BTRC: variants seen among roughly 807,000 people sequenced by gnomAD.
The protein encoded by BTRC is beta-transducin repeat containing E3 ubiquitin protein ligase, also known as F-box/WD repeat-containing protein 1A.
In BTRC, 42 loss-of-function variants were observed where a neutral mutation model predicts 85.5. The ratio of observed to expected loss-of-function variants is 0.49; its 90% CI spans 0.38 to 0.64. BTRC has a LOEUF of 0.64. Among genes scored for constraint, BTRC ranks in the 30% least tolerant of loss-of-function variants. BTRC has a pLI of 0.00. For synonymous variants in BTRC, 255 were observed against 263.3 expected (o/e 0.97, Z 0.30); for missense variants, 594 against 743.5 (o/e 0.80, Z 2.34).
intron 4 of BTRC, among the ~76,000 whole-genome samples, chr10:101,495,295 A>G (rs1229007651): frequency 6.6e-6 from 1 of 152,238 alleles, no homozygotes; most frequent in African/African-American, 2.4e-5. Context: ...ATCTAATATT[A>G]TAGCAGTTAT....
intron 1 of BTRC, among the ~76,000 whole-genome samples, chr10:101,424,491 G>T (rs780846829): frequency 6.6e-6 from 1 of 152,174 alleles, no homozygotes; most frequent in African/African-American, 2.4e-5. Context: ...TTAAGGATAC[G>T]TAAACTCTCA....
chr10:101,479,217 T>A (rs563965708), intron 3 of BTRC, 151 bp from the exon 4 acceptor site: 8 of 537,598 alleles, frequency 1.5e-5, no homozygotes, highest in Admixed American at 3.2e-5. Flanking sequence ...GCCCTCCTCC[T>A]TTTCTAACTT....
intron 1 of BTRC, among the ~76,000 whole-genome samples, chr10:101,421,500 G>T (rs1236638476): frequency 6.6e-6 from 1 of 151,810 alleles, no homozygotes. Context: ...AAGTTCTAGG[G>T]TACATGTGCA....
At chr10:101,538,059 T>C (rs2062413089) in intron 12 of BTRC, among the ~76,000 whole-genome samples, 1 of 152,206 alleles carries the variant, frequency 6.6e-6, no homozygotes, top group Admixed American at 6.5e-5. Flanking sequence ...CTGTGTAATA[T>C]CATTAAAAGG....
At chr10:101,449,229 T>G (rs1366349850) in intron 2 of BTRC, among the ~76,000 whole-genome samples, 3 of 151,614 alleles carry the variant, frequency 2.0e-5, no homozygotes, top group Non-Finnish European at 4.4e-5. Context: ...AATAAAATGG[T>G]AATACCAAAG....
chr10:101,549,039 C>T (rs1257360494), intron 13 of BTRC, among the ~76,000 whole-genome samples: 5 of 150,026 alleles, frequency 3.3e-5, no homozygotes, highest in African/African-American at 4.9e-5. Context: ...GGCGACAGAG[C>T]GAGACTCTGT....
chr10:101,377,903 T>C (rs1473285468), intron 1 of BTRC, among the ~76,000 whole-genome samples: 1 of 151,978 alleles, frequency 6.6e-6, no homozygotes, highest in Non-Finnish European at 1.5e-5. Flanking sequence ...ACCTTTGGTG[T>C]GTAGAACACT....
chr10:101,438,450 A>T (rs1185177727), intron 2 of BTRC, among the ~76,000 whole-genome samples: 1 of 140,892 alleles, frequency 7.1e-6, no homozygotes, highest in Non-Finnish European at 1.6e-5. Flanking sequence ...AAAAAAAAAA[A>T]GTCTTCTCAT....
chr10:101,502,844 T>C (rs1946429920), intron 4 of BTRC, among the ~76,000 whole-genome samples: 1 of 152,204 alleles, frequency 6.6e-6, no homozygotes, highest in African/African-American at 2.4e-5. Flanking sequence ...CATAATATTA[T>C]TGTAAAAGCA....
chr10:101,411,924 G>A (rs570661145), intron 1 of BTRC, among the ~76,000 whole-genome samples: 1 of 152,268 alleles, frequency 6.6e-6, no homozygotes, highest in South Asian at 2.1e-4. Flanking sequence ...TCTTGTGGCT[G>A]ATTTTAAGCT....
intron 1 of BTRC, among the ~76,000 whole-genome samples, chr10:101,358,133 A>G (rs917299472): frequency 6.6e-6 from 1 of 152,226 alleles, no homozygotes; most frequent in Non-Finnish European, 1.5e-5. Context: ...CCTTTGAGAC[A>G]GGGTCTCACT....
rs1467248113 is a variant in BTRC, at chr10:101,521,833, A to G, written c.519A>G (p.Lys173=). 1.2e-6 allele frequency: 2 copies of G among 1,613,644 alleles called. No homozygotes were observed. The highest frequency in any genetic ancestry group is 1.7e-6 in the Non-Finnish European group (2 of 1,179,732). ...YQHGHINSYL[K]PMLQRDFITA... ...ATGGGCACATAAACTCGTATCTTAA[A>G]CCTATGTTGCAGAGAGATTTCATAA... is the stretch of plus-strand genomic sequence containing the variant. Residue 173 remains lysine, a synonymous_variant, in exon 5 of 15, where the codon AAA becomes AAG. Transcript: ENST00000370187.
chr10:101,357,733 A>G (rs1185009217), intron 1 of BTRC, among the ~76,000 whole-genome samples: 2 of 152,240 alleles, frequency 1.3e-5, no homozygotes, highest in Admixed American at 6.5e-5. Flanking sequence ...AGAATTTTAC[A>G]ATAAAATCCT....
intron 13 of BTRC, among the ~76,000 whole-genome samples, chr10:101,548,012 A>G (rs796869681): frequency 3.4e-4 from 52 of 152,350 alleles, no homozygotes; most frequent in African/African-American, 1.2e-3. Flanking sequence ...CCTCAACTTC[A>G]TAAAGAAAAA....
chr10:101,459,180 T>G (rs1945157104), intron 2 of BTRC, among the ~76,000 whole-genome samples: 1 of 152,218 alleles, frequency 6.6e-6, no homozygotes, highest in Non-Finnish European at 1.5e-5. Context: ...TGGATATAAT[T>G]TAGCCTGATG....
intron 1 of BTRC, among the ~76,000 whole-genome samples, chr10:101,356,986 G>A (rs567911269): frequency 2.0e-4 from 30 of 151,212 alleles, no homozygotes; most frequent in African/African-American, 6.6e-4. Flanking sequence ...AAAATTAGGC[G>A]GGTGTGGCAG....
intron 1 of BTRC, among the ~76,000 whole-genome samples, chr10:101,372,293 T>G (rs1003491498): frequency 1.3e-5 from 2 of 151,032 alleles, no homozygotes; most frequent in African/African-American, 4.9e-5. Flanking sequence ...GTTTCGCTCT[T>G]TCACTCAGGC....
At chr10:101,415,518 T>TGAG (rs1564758264) in intron 1 of BTRC, among the ~76,000 whole-genome samples, 2 of 7,530 alleles carry the variant, frequency 2.7e-4, no homozygotes, top group Admixed American at 3.2e-3. Flanking sequence ...TATGTTATGT[T>TGAG]ATGTTATGTT....
intron 4 of BTRC, among the ~76,000 whole-genome samples, chr10:101,496,123 C>A (rs1038371653): frequency 2.6e-5 from 4 of 151,786 alleles, no homozygotes; most frequent in Admixed American, 6.6e-5. Context: ...TACATATATG[C>A]CATAATTTAT....
Sources: gnomAD v4.1 joint callset for allele counts (sites outside exome capture counted in the v4.1 genomes callset) on GRCh38, gnomAD v4.1.1 for gene constraint, MANE v1.5 for transcripts, NCBI Gene and HGNC (gene_info 2026-07-23, HGNC 2026-07-21) for gene names.